The following LRRCC1 variants were observed in gnomAD, a reference collection of about 807,000 sequenced individuals.
LRRCC1 encodes leucine rich repeat and coiled-coil centrosomal protein 1, also known as leucine-rich repeat and coiled-coil domain-containing protein 1.
In LRRCC1, 115 loss-of-function variants were observed where a neutral mutation model predicts 126.0. The ratio of observed to expected loss-of-function variants is 0.91; its 90% confidence interval spans 0.78 to 1.07. The LOEUF is 1.07. LRRCC1 is among the 50% of genes least tolerant of loss of function. LRRCC1 has a pLI of 0.00. For missense variants in LRRCC1, 1,172 were observed against 1,175.7 expected (o/e 1.00, Z 0.05); for synonymous variants, 400 against 393.4 (o/e 1.02, Z -0.20).
Position 85,135,013 on chromosome 8 carries a change from A to G in LRRCC1, c.2135A>G (p.Glu712Gly). 1 of 1,542,440 alleles carries G rather than the reference A, an allele frequency of 6.5e-7. No individual in the cohort carries two copies. Among genetic ancestry groups the G allele is most frequent in the Non-Finnish European group, 8.7e-7 (1 of 1,155,224 alleles). The change falls in exon 13 of 19, where the codon GAA becomes GGA. Residue 712 changes from glutamate to glycine, a missense_variant. Physicochemically the swap from Glu to Gly is moderately conservative, Grantham distance 98 (BLOSUM62 -2). Coordinates refer to ENST00000360375, the MANE Select transcript of LRRCC1 (RefSeq NM_033402.5). The part of the protein sequence containing the change: ...KLAEVSKLKQ[E>G]TAANLQNQIN... ...GCAGAAGTTTCTAAATTGAAACAAG[A>G]AACAGCAGCAAATTTACAGGTAAGA...
At chr8:85,140,878 C>T (rs1019488551) in intron 17 of LRRCC1, among the ~76,000 whole-genome samples, 17 of 152,166 alleles carry the variant, frequency 1.1e-4, no homozygotes, top group South Asian at 4.1e-4. Context: ...GCCTATCCAA[C>T]GTAGTGAAAC....
At chr8:85,115,636 T>C in intron 6 of LRRCC1, 52 bp downstream of exon 6, 2 of 1,274,938 alleles carry the variant, frequency 1.6e-6, no homozygotes, top group Non-Finnish European at 2.2e-6. Flanking sequence ...GAAAACATAG[T>C]TAAGAAAATG....
intron 18 of LRRCC1, among the ~76,000 whole-genome samples, chr8:85,143,395 G>T (rs893394386): frequency 6.6e-6 from 1 of 151,928 alleles, no homozygotes; most frequent in Admixed American, 6.6e-5. Flanking sequence ...TTATTAGGAG[G>T]TTGAGGTTGA....
intron 6 of LRRCC1, among the ~76,000 whole-genome samples, chr8:85,121,615 A>G (rs907473735): frequency 6.6e-6 from 1 of 151,888 alleles, no homozygotes. Flanking sequence ...CTAATTTTGT[A>G]TTTTTAGTAG....
At position 85,129,074 on chromosome 8, in the gene LRRCC1, A is replaced by G. The variant is rs1184545452; in HGVS notation, c.1422-101A>G. ...TATCAAACAGGAGTTGAGAGCATGA[A>G]CAAAGGAAGACCAGTTCAGAGAGTA... On this transcript the variant is annotated intron_variant, in intron 9 of 18. Transcript: ENST00000360375. The G allele has an allele frequency of 2.2e-5, 19 of 849,794 alleles. No homozygotes were observed. The East Asian group carries it at 4.6e-4, about 21-fold the overall frequency. 52.6% of individuals were successfully genotyped at this position (849,794 alleles called of 1,614,324 possible). A position where few individuals can be genotyped will look rare whatever the true frequency, so the allele number is the denominator to read the frequency against.
Position 85,124,016 on chromosome 8 carries a change from C to G in LRRCC1, c.1124+410C>G, listed in dbSNP as rs115982566. Reference sequence around the variant, plus strand: ...AGTACACCTGAGTCTACATGACTAGCCTTTTCTCTCTTTGTAGGCAGATCT... The same window carrying G: ...AGTACACCTGAGTCTACATGACTAGGCTTTTCTCTCTTTGTAGGCAGATCT... On this transcript the variant is annotated intron_variant, in intron 7 of 18. Transcript: ENST00000360375. Among the ~76,000 whole-genome samples the G allele has an allele frequency of 7.0e-3, 1,059 of 152,178 alleles. 15 individuals carry two copies. Among genetic ancestry groups the G allele is most frequent in the African/African-American group, 0.024 (1,004 of 41,532 alleles).
Position 85,107,251 on chromosome 8 carries a change from C to A in LRRCC1, c.-45C>A. 1 of 1,563,552 alleles carries A rather than the reference C, an allele frequency of 6.4e-7. No homozygotes were observed. Among genetic ancestry groups the A allele is most frequent in the South Asian group, 1.2e-5 (1 of 84,962 alleles). ...GAGGCTTGTCCCAAGCTCACGGACCCCTCGCTGGGTGCCGGTTAAGACCCC... is the reference window on the plus strand; with the variant it reads ...GAGGCTTGTCCCAAGCTCACGGACCACTCGCTGGGTGCCGGTTAAGACCCC... On this transcript the variant is annotated 5_prime_UTR_variant, in exon 1 of 19. Coordinates refer to ENST00000360375, the MANE Select transcript of LRRCC1 (RefSeq NM_033402.5).
chr8:85,116,474 A>G (rs941634906), intron 6 of LRRCC1, among the ~76,000 whole-genome samples: 9 of 152,160 alleles, frequency 5.9e-5, no homozygotes, highest in South Asian at 2.1e-4. Context: ...CCTGAGCCCA[A>G]GAATCTTCCC....
chr8:85,140,117 A>C (rs1484653491), intron 17 of LRRCC1, among the ~76,000 whole-genome samples: 1 of 152,192 alleles, frequency 6.6e-6, no homozygotes, highest in Non-Finnish European at 1.5e-5. Flanking sequence ...ATAAAACCTA[A>C]CAATCTTCAG....
chr8:85,134,899 C>A lies in LRRCC1; in HGVS notation c.2021C>A (p.Ala674Asp). ...ACTGAGTTAGCAAAGAGCAAACATG[C>A]TCTTATTTGGGCTCAACGAAAAGAA... ...VATELAKSKH[A>D]LIWAQRKENE... Residue 674 changes from alanine to aspartate, a missense_variant, in exon 13 of 19, where the codon GCT (alanine) becomes GAT (aspartate). Coordinates refer to ENST00000360375, the MANE Select transcript of LRRCC1 (RefSeq NM_033402.5). 6.3e-7 allele frequency: 1 copy of A among 1,594,464 alleles called. No homozygotes were observed. Among genetic ancestry groups the A allele is most frequent in the South Asian group, 1.2e-5 (1 of 86,340 alleles).
intron 6 of LRRCC1, among the ~76,000 whole-genome samples, chr8:85,122,731 G>A (rs1385549990): frequency 6.6e-6 from 1 of 152,070 alleles, no homozygotes; most frequent in African/African-American, 2.4e-5. Flanking sequence ...ATTTTCTCTT[G>A]AGAATAGGTC....
In LRRCC1 at chr8:85,126,972, A is replaced by T. The variant is rs1187554878; in HGVS notation, c.1421+135A>T. ...TTTTAGTTTGATTTGAACTAATTTT[A>T]TTAGACAATTTAGCACTTTATTAGC... On this transcript the variant is annotated intron_variant, in intron 9 of 18. Transcript: ENST00000360375. The T allele has an allele frequency of 1.2e-5, 9 of 736,860 alleles. No individual in the cohort carries two copies. The Admixed American group carries it at 1.8e-4, about 15-fold the overall frequency. The allele number at this position is 736,860 out of a possible 1,614,324, so 45.6% of individuals were successfully genotyped here.
At chr8:85,143,276 ACAC>A (rs1239713188) in intron 18 of LRRCC1, among the ~76,000 whole-genome samples, 1 of 151,982 alleles carries the variant, frequency 6.6e-6, no homozygotes, top group African/African-American at 2.4e-5. Context: ...AGCTGAGATC[ACAC>A]CATTGCACTC....
At position 85,135,696 on chromosome 8, in the gene LRRCC1, T is replaced by A. The variant is rs1209762276; in HGVS notation, c.2155-93T>A. 3.5e-6 allele frequency: 3 copies of A among 845,728 alleles called. No homozygotes were observed. The South Asian group carries it at 1.6e-4, about 44-fold the overall frequency. 52.4% of individuals were successfully genotyped at this position (845,728 alleles called of 1,614,324 possible). A position where few individuals can be genotyped will look rare whatever the true frequency, so the allele number is the denominator to read the frequency against. On this transcript the variant is annotated intron_variant, in intron 13 of 18. Transcript: ENST00000360375. ...TTTGGTAATATTTACTTGTATTTGCTTAAATAACATTTTTTCTCATTATAA... is the reference window on the plus strand; with the variant it reads ...TTTGGTAATATTTACTTGTATTTGCATAAATAACATTTTTTCTCATTATAA...
At chr8:85,112,308 A>C (rs538572132) in intron 3 of LRRCC1, among the ~76,000 whole-genome samples, 275 of 152,326 alleles carry the variant, frequency 1.8e-3, no homozygotes, top group Non-Finnish European at 3.5e-3. Context: ...GTATGATTAC[A>C]TAGCTTTTTA....
intron 11 of LRRCC1, among the ~76,000 whole-genome samples, chr8:85,130,366 T>C (rs1810377141): frequency 6.6e-6 from 1 of 151,408 alleles, no homozygotes; most frequent in Non-Finnish European, 1.5e-5. Context: ...ATGGTCTCGA[T>C]CTCCTGACCT....
Position 85,129,261 on chromosome 8 carries a change from T to C in LRRCC1, c.1508T>C (p.Leu503Pro), listed in dbSNP as rs779827827. The change falls in exon 10 of 19, where the codon CTG (leucine) becomes CCG (proline). Residue 503 changes from leucine to proline, a missense_variant. Physicochemically the swap from Leu to Pro is moderately conservative, Grantham distance 98 (BLOSUM62 -3). Transcript: ENST00000360375. ...AAACTTCAAAATGAAATTAAAAAAC[T>C]GACTGTTGAACTAATGAAAGCAAAA... Reference protein sequence around the residue: ...VHKLQNEIKKLTVELMKAKDQ... With the variant: ...VHKLQNEIKKPTVELMKAKDQ... 2.5e-6 allele frequency: 4 copies of C among 1,613,510 alleles called. No homozygotes were observed. The highest frequency in any genetic ancestry group is 3.4e-6 in the Non-Finnish European group (4 of 1,179,626).
At chr8:85,109,180 T>A (rs1459626327) in intron 1 of LRRCC1, 1 of 164,998 alleles carries the variant, frequency 6.1e-6, no homozygotes, top group Non-Finnish European at 1.3e-5. Context: ...TTGTGAGAAT[T>A]AATTGAGGTA....
chr8:85,133,306 C>T (rs1810619914), intron 12 of LRRCC1, among the ~76,000 whole-genome samples: 1 of 152,132 alleles, frequency 6.6e-6, no homozygotes, highest in Non-Finnish European at 1.5e-5. Context: ...TCTTGGTTTT[C>T]TTGGCTTTCC....
Sources: gnomAD v4.1 joint callset for allele counts (sites outside exome capture counted in the v4.1 genomes callset) on GRCh38, gnomAD v4.1.1 for gene constraint, MANE v1.5 for transcripts, NCBI Gene and HGNC (gene_info 2026-07-23, HGNC 2026-07-21) for gene names.